The following TRPM6 variants were observed in gnomAD, a reference collection of about 807,000 sequenced individuals.
The protein encoded by TRPM6 is channel kinase 2.
A neutral mutation model predicts 247.6 loss-of-function variants in TRPM6; 111 were observed. The observed-to-expected ratio is 0.45, with a 90% CI of 0.38 to 0.52. The LOEUF is 0.52. Ranked by LOEUF, TRPM6 falls within the 20% of genes least tolerant of loss-of-function variation. TRPM6 has a pLI of 0.00. For synonymous variants in TRPM6, 892 were observed against 853.8 expected (o/e 1.04, Z -0.78); for missense variants, 2,126 against 2,421.5 (o/e 0.88, Z 2.56).
chr9:74,799,660 A>G (rs994149475), intron 17 of TRPM6, among the ~76,000 whole-genome samples: 2 of 152,190 alleles, frequency 1.3e-5, no homozygotes, highest in African/African-American at 2.4e-5. Flanking sequence ...TTCAGTAAAA[A>G]GTCTCATTTA....
At chr9:74,865,885 C>T (rs976527814) in intron 1 of TRPM6, among the ~76,000 whole-genome samples, 2 of 152,196 alleles carry the variant, frequency 1.3e-5, no homozygotes. Context: ...GATATTCCTG[C>T]CTCAGCCCCC....
Position 74,787,572 on chromosome 9 carries a change from T to C in TRPM6, c.2667+1042A>G, listed in dbSNP as rs181388576. The stretch of plus-strand genomic sequence containing the variant: ...ACATAGGTATAATTACAAAGAAGTA[T>C]ACAATGTTGGTTATATTACCTCTAA... On this transcript the variant is annotated intron_variant, in intron 20 of 38. Coordinates refer to ENST00000360774, the MANE Select transcript of TRPM6 (RefSeq NM_017662.5). 5.3e-5 allele frequency among the ~76,000 whole-genome samples: 8 copies of C among 152,298 alleles called. No homozygotes were observed. The East Asian group carries it at 1.5e-3, about 29-fold the overall frequency.
intron 14 of TRPM6, among the ~76,000 whole-genome samples, chr9:74,805,829 G>A (rs182475950): frequency 2.0e-5 from 3 of 152,174 alleles, no homozygotes; most frequent in Non-Finnish European, 2.9e-5. Context: ...GAGGTTGGAA[G>A]TCTTAATACA....
chr9:74,822,810 T>C (rs1210459515), intron 7 of TRPM6, among the ~76,000 whole-genome samples: 1 of 152,148 alleles, frequency 6.6e-6, no homozygotes, highest in African/African-American at 2.4e-5. Context: ...GCTTACAGAA[T>C]AATATGCACA....
At chr9:74,787,245 G>T (rs1240309872) in intron 20 of TRPM6, among the ~76,000 whole-genome samples, 1 of 151,640 alleles carries the variant, frequency 6.6e-6, no homozygotes, top group Non-Finnish European at 1.5e-5. Flanking sequence ...TAAGGCAGGA[G>T]AACTGCTTGA....
rs192157475 is a variant in TRPM6, at chr9:74,758,180, T to G, written c.4786-2707A>C. 5.3e-5 allele frequency among the ~76,000 whole-genome samples: 8 copies of G among 152,310 alleles called. No individual in the cohort carries two copies. The East Asian group carries it at 1.4e-3, about 26-fold the overall frequency. Reference sequence around the variant, plus strand: ...AGCTTTCCCACAAAGATGGTTTCATTGGTTAATTCTACGAATACTTCAGAC... The same window carrying G: ...AGCTTTCCCACAAAGATGGTTTCATGGGTTAATTCTACGAATACTTCAGAC... On this transcript the variant is annotated intron_variant, in intron 27 of 38. Coordinates refer to ENST00000360774, the MANE Select transcript of TRPM6 (RefSeq NM_017662.5).
chr9:74,856,731 T>TA (rs1373892031), intron 2 of TRPM6, among the ~76,000 whole-genome samples: 4 of 152,040 alleles, frequency 2.6e-5, no homozygotes, highest in African/African-American at 9.7e-5. Flanking sequence ...ACAAAAATAA[T>TA]AAAACAAACT....
In TRPM6 at chr9:74,800,414, G is replaced by C; in HGVS notation, c.2078C>G (p.Thr693Arg). ...GTTCCTGAGTTCATACGTCAACAGC[G>C]TCATGGCCATGCGCTCATTCTGCTT... ...AFKQNERMAMTLLTYELRNWS... is the reference protein window; with the variant it reads ...AFKQNERMAMRLLTYELRNWS... The change falls in exon 17 of 39, where the codon ACG becomes AGG. Residue 693 changes from threonine (T) to arginine (R), a missense_variant. Transcript: ENST00000360774. The C allele has an allele frequency of 4.3e-6, 7 of 1,613,970 alleles. No homozygotes were observed. The highest frequency in any genetic ancestry group is 5.1e-6 in the Non-Finnish European group (6 of 1,180,012).
At chr9:74,815,730 G>A (rs951163531) in intron 11 of TRPM6, among the ~76,000 whole-genome samples, 11 of 152,202 alleles carry the variant, frequency 7.2e-5, no homozygotes, top group African/African-American at 2.7e-4. Context: ...AGATTTATAA[G>A]TGTTAGAAAA....
chr9:74,817,555 T>C (rs974138798), intron 9 of TRPM6, among the ~76,000 whole-genome samples: 2 of 152,184 alleles, frequency 1.3e-5, no homozygotes, highest in Non-Finnish European at 1.5e-5. Flanking sequence ...GTAATTACAG[T>C]GGACCCAATG....
chr9:74,729,620 T>C (rs958306475), intron 37 of TRPM6, among the ~76,000 whole-genome samples: 2 of 152,188 alleles, frequency 1.3e-5, no homozygotes, highest in African/African-American at 4.8e-5. Flanking sequence ...CTGCCTCTTG[T>C]TAACTATTCC....
chr9:74,873,140 G>A (rs1831081159), intron 1 of TRPM6, among the ~76,000 whole-genome samples: 1 of 152,026 alleles, frequency 6.6e-6, no homozygotes, highest in Admixed American at 6.6e-5. Context: ...TGAACTGTCT[G>A]AATTCACCTA....
At position 74,795,303 on chromosome 9, in the gene TRPM6, C is replaced by A. The variant is rs1202927328; in HGVS notation, c.2391+1438G>T. On this transcript the variant is annotated intron_variant, in intron 18 of 38. Transcript: ENST00000360774. ...AGAATAATTTCTCTAATAGTCAGAT[C>A]ATCTCACTACTCTGGCATACACATT... Among the ~76,000 whole-genome samples, 3 of 152,200 alleles carry A rather than the reference C, an allele frequency of 2.0e-5. No individual in the cohort carries two copies. The East Asian group carries it at 5.8e-4, about 29-fold the overall frequency.
At chr9:74,839,501 A>T (rs940959096) in intron 5 of TRPM6, among the ~76,000 whole-genome samples, 14 of 152,122 alleles carry the variant, frequency 9.2e-5, no homozygotes, top group African/African-American at 3.4e-4. Context: ...TGATTTCCCA[A>T]ATCTGAGAAA....
rs187823226 is a variant in TRPM6 at position 74,732,751 on chromosome 9, C to T, written c.5777-15G>A. 1.6e-5 allele frequency: 25 copies of T among 1,603,190 alleles called. No homozygotes were observed. The Admixed American group carries it at 4.2e-4, about 27-fold the overall frequency. On this transcript the variant is annotated splice_polypyrimidine_tract_variant and intron_variant, in intron 36 of 38. Coordinates refer to ENST00000360774, the MANE Select transcript of TRPM6 (RefSeq NM_017662.5). ...TTCTCCAACACCTCAAAAGAAGAAA[C>T]AAAATTCGTTTAGCAAATGGAGATT...
chr9:74,768,001 T>C (rs1826885649), intron 25 of TRPM6, among the ~76,000 whole-genome samples: 1 of 152,160 alleles, frequency 6.6e-6, no homozygotes, highest in Non-Finnish European at 1.5e-5. Flanking sequence ...GAAGTACCCA[T>C]AATTTTCAGA....
chr9:74,820,803 T>C (rs956947931), intron 8 of TRPM6, among the ~76,000 whole-genome samples: 4 of 152,144 alleles, frequency 2.6e-5, no homozygotes, highest in African/African-American at 9.7e-5. Context: ...GAAAAGAATA[T>C]ACTCTGAAGT....
chr9:74,801,851 T>C (rs1383467558), intron 16 of TRPM6, 47 bp downstream of exon 16: 4 of 1,605,984 alleles, frequency 2.5e-6, no homozygotes, highest in Non-Finnish European at 3.4e-6. Flanking sequence ...GTCTAACCAT[T>C]CTAAGAAGTG....
intron 8 of TRPM6, among the ~76,000 whole-genome samples, chr9:74,821,260 C>G (rs907942366): frequency 2.0e-5 from 3 of 152,120 alleles, no homozygotes; most frequent in African/African-American, 7.2e-5. Flanking sequence ...ATGAAAATGT[C>G]AGGATGTAGA....
Sources: gnomAD v4.1 joint callset for allele counts (sites outside exome capture counted in the v4.1 genomes callset) on GRCh38, gnomAD v4.1.1 for gene constraint, MANE v1.5 for transcripts, NCBI Gene and HGNC (gene_info 2026-07-23, HGNC 2026-07-21) for gene names.